Variants in PDK1 observed in about 807,000 individuals in gnomAD.
PDK1 encodes pyruvate dehydrogenase kinase 1, also known as [Pyruvate dehydrogenase (acetyl-transferring)] kinase isozyme 1, mitochondrial.
Under a neutral mutation model 54.2 loss-of-function variants are expected in PDK1, and 39 were observed. The ratio of observed to expected loss-of-function variants is 0.72; its 90% CI spans 0.56 to 0.94. PDK1 has a LOEUF of 0.94. Ranked by LOEUF, PDK1 falls within the 40% of genes least tolerant of loss-of-function variation. The probability of loss-of-function intolerance (pLI) is 0.00; values close to 1 mark genes in which losing one functional copy is unlikely to be tolerated. For missense variants in PDK1, 552 were observed against 566.0 expected (o/e 0.98, Z 0.25); for synonymous variants, 221 against 207.1 (o/e 1.07, Z -0.58).
chr2:172,556,165 G>C lies in PDK1; in HGVS notation c.15G>C (p.Arg5=). MRLA[R]LLRGAALAGP... is the part of the protein sequence containing the mutation. Reference sequence around the variant, plus strand: ...CGGGACTCGGCATGAGGCTGGCGCGGCTGCTTCGCGGAGCCGCCTTGGCCG... The same window carrying C: ...CGGGACTCGGCATGAGGCTGGCGCGCCTGCTTCGCGGAGCCGCCTTGGCCG... Residue 5 remains arginine (R), a synonymous_variant, in exon 1 of 11, where the codon CGG becomes CGC. Transcript: ENST00000282077. 1 of 1,414,800 alleles carries C rather than the reference G, an allele frequency of 7.1e-7. No homozygotes were observed. Among genetic ancestry groups the C allele is most frequent in the Non-Finnish European group, 9.2e-7 (1 of 1,091,730 alleles). 87.6% of individuals were successfully genotyped at this position (1,414,800 alleles called of 1,614,324 possible). A position where few individuals can be genotyped will look rare whatever the true frequency, so the allele number is the denominator to read the frequency against.
intron 8 of PDK1, among the ~76,000 whole-genome samples, chr2:172,584,997 T>C (rs1690138262): frequency 6.6e-6 from 1 of 151,924 alleles, no homozygotes; most frequent in Non-Finnish European, 1.5e-5. Context: ...TTTTGTTTGT[T>C]TTTGTTTTCT....
chr2:172,655,327 T>C, the PDK1 span, among the ~76,000 whole-genome samples: 23 of 127,832 alleles, frequency 1.8e-4, no homozygotes, highest in Non-Finnish European at 3.3e-5. Context: ...TTGTTCACAT[T>C]TCCCAGTGTT....
the PDK1 span, among the ~76,000 whole-genome samples, chr2:172,637,727 G>A: frequency 3.3e-5 from 5 of 151,980 alleles, no homozygotes; most frequent in South Asian, 4.2e-4. Flanking sequence ...ATGGAGTCTC[G>A]CTCTGTCGTC....
intron 8 of PDK1, among the ~76,000 whole-genome samples, chr2:172,573,157 A>T (rs753949085): frequency 6.6e-5 from 10 of 152,206 alleles, no homozygotes; most frequent in Non-Finnish European, 4.4e-5. Flanking sequence ...TTAACTTGAG[A>T]AACTGCCAAA....
intron 8 of PDK1, among the ~76,000 whole-genome samples, chr2:172,581,023 C>T (rs1361259101): frequency 4.0e-5 from 6 of 151,518 alleles, no homozygotes; most frequent in Admixed American, 1.3e-4. Flanking sequence ...GTAATGGTTG[C>T]ACATATCGAT....
chr2:172,682,794 G>C, the PDK1 span, among the ~76,000 whole-genome samples: 1 of 152,186 alleles, frequency 6.6e-6, no homozygotes, highest in South Asian at 2.1e-4. Context: ...AAGATTAATG[G>C]GGAGGCTGTT....
downstream of PDK1, among the ~76,000 whole-genome samples, chr2:172,613,067 G>A (rs188161047): frequency 3.2e-4 from 48 of 152,336 alleles, 2 homozygotes; most frequent in African/African-American, 1.0e-3. Flanking sequence ...GGAGGGTAAC[G>A]AAACAATTTA....
At chr2:172,556,025 G>A (rs1688293149), upstream of PDK1, 2 of 647,878 alleles carry the variant, frequency 3.1e-6, no homozygotes, top group Admixed American at 4.4e-5. Flanking sequence ...CCGGCTAGGA[G>A]GGTGGGGGCC....
chr2:172,610,892 G>A (rs1479468100), downstream of PDK1, among the ~76,000 whole-genome samples: 2 of 152,218 alleles, frequency 1.3e-5, no homozygotes, highest in Admixed American at 6.5e-5. Flanking sequence ...GATTACAGGC[G>A]TGAGCCACTG....
the PDK1 span, among the ~76,000 whole-genome samples, chr2:172,660,236 TCTC>T: frequency 1.8e-5 from 1 of 56,662 alleles, no homozygotes; most frequent in Non-Finnish European, 4.0e-5. Context: ...TTGCTTTCTC[TCTC>T]TCTCTCTCTT....
chr2:172,579,248 G>T (rs772378777), intron 8 of PDK1, among the ~76,000 whole-genome samples: 1 of 152,102 alleles, frequency 6.6e-6, no homozygotes, highest in Non-Finnish European at 1.5e-5. Context: ...AGGGATGGGG[G>T]TGGGGTGCAA....
chr2:172,566,429 C>T (rs72896121), intron 5 of PDK1, among the ~76,000 whole-genome samples: 2,207 of 152,188 alleles, frequency 0.015, 33 homozygotes, highest in Non-Finnish European at 0.023. Context: ...GTGACCCATG[C>T]CTACGTAGTC....
intron 10 of PDK1, among the ~76,000 whole-genome samples, 192 bp downstream of exon 10, chr2:172,593,240 A>C (rs1211547009): frequency 6.6e-6 from 1 of 152,128 alleles, no homozygotes; most frequent in Non-Finnish European, 1.5e-5. Flanking sequence ...TGTATCCTGG[A>C]GTGATTAGGA....
the PDK1 span, among the ~76,000 whole-genome samples, chr2:172,657,783 A>C: frequency 1.3e-5 from 2 of 151,250 alleles, no homozygotes; most frequent in Admixed American, 1.3e-4. Context: ...GCTGAAGGAA[A>C]TCTGTACAGT....
chr2:172,656,500 C>T, the PDK1 span, among the ~76,000 whole-genome samples: 1 of 152,296 alleles, frequency 6.6e-6, no homozygotes, highest in African/African-American at 2.4e-5. Flanking sequence ...TATTTTTCTT[C>T]CCCAGGTTGA....
At chr2:172,654,907 C>G in the PDK1 span, among the ~76,000 whole-genome samples, 9 of 152,186 alleles carry the variant, frequency 5.9e-5, no homozygotes, top group Admixed American at 3.9e-4. Flanking sequence ...GCAGAGAAGA[C>G]AATACAAGCA....
chr2:172,663,313 G>T, the PDK1 span, among the ~76,000 whole-genome samples: 1 of 152,190 alleles, frequency 6.6e-6, no homozygotes, highest in East Asian at 1.9e-4. Flanking sequence ...TAACTTAATT[G>T]CCCTTGAAGA....
At chr2:172,563,697 A>G (rs1344519468) in intron 3 of PDK1, among the ~76,000 whole-genome samples, 2 of 152,106 alleles carry the variant, frequency 1.3e-5, no homozygotes, top group African/African-American at 2.4e-5. Context: ...GCCAGGCATC[A>G]TGGTACATGC....
At chr2:172,581,543 A>G (rs968369320) in intron 8 of PDK1, among the ~76,000 whole-genome samples, 2 of 152,182 alleles carry the variant, frequency 1.3e-5, no homozygotes, top group Non-Finnish European at 2.9e-5. Context: ...TCTCAAAAAG[A>G]CTGTTCTAGA....
Sources: allele counts gnomAD v4.1 joint callset (sites outside exome capture counted in the v4.1 genomes callset), GRCh38; gene constraint gnomAD v4.1.1; transcripts MANE v1.5; gene names NCBI Gene and HGNC (gene_info 2026-07-23, HGNC 2026-07-21).